Variants in MGST2 observed in about 807,000 individuals in gnomAD.
The protein encoded by MGST2 is microsomal glutathione S-transferase 2, also known as glutathione peroxidase MGST2.
Under a neutral mutation model 16.6 loss-of-function variants are expected in MGST2, and 9 were observed. The observed-to-expected ratio is 0.54, with a 90% confidence interval of 0.33 to 0.95. The LOEUF is 0.95. Ranked by LOEUF, MGST2 falls within the 40% of genes least tolerant of loss-of-function variation. The pLI is 0.03. For missense variants in MGST2, 159 were observed against 175.1 expected, an observed-to-expected ratio of 0.91 and a Z score of 0.52; for synonymous variants, 79 against 68.0, an observed-to-expected ratio of 1.16 and a Z score of -0.79.
chr4:139,679,610 T>G (rs572743215), intron 2 of MGST2, among the ~76,000 whole-genome samples: 17 of 152,210 alleles, frequency 1.1e-4, no homozygotes, highest in Non-Finnish European at 2.4e-4. Flanking sequence ...TGTTACATCT[T>G]GAATCAATTT....
intron 3 of MGST2, among the ~76,000 whole-genome samples, chr4:139,699,950 C>T (rs1238263653): frequency 2.0e-5 from 3 of 151,982 alleles, no homozygotes; most frequent in Non-Finnish European, 4.4e-5. Flanking sequence ...GAGGAGCTCT[C>T]AAGCCCAAGA....
intron 5 of MGST2, chr4:139,730,573 G>A: frequency 6.2e-7 from 1 of 1,603,838 alleles, no homozygotes. Flanking sequence ...GCCGGGGCCT[G>A]CGGGACTGGC....
At chr4:139,729,156 C>CAAAAAAA (rs4057275) in intron 5 of MGST2, among the ~76,000 whole-genome samples, 30 of 81,704 alleles carry the variant, frequency 3.7e-4, no homozygotes, top group South Asian at 5.2e-4. Context: ...GGAACAAAAG[C>CAAAAAAA]AAAAAAAAAA....
rs373534183 is a variant in MGST2 at position 139,665,835 on chromosome 4, G to C, written c.-185G>C. ...CCCAGCCCCATAAAGATCTGTGACC[G>C]GCAGCCCCAGACCTGCCTGCCTTCC... On this transcript the variant is annotated 5_prime_UTR_variant, in exon 1 of 5. Transcript: ENST00000265498. The C allele has an allele frequency of 1.2e-5, 8 of 671,018 alleles. No homozygotes were observed. Among genetic ancestry groups the C allele is most frequent in the South Asian group, 6.6e-5 (4 of 60,936 alleles). The allele number at this position is 671,018 out of a possible 1,614,324, so 41.6% of individuals were successfully genotyped here.
chr4:139,693,073 C>G (rs1726703953), intron 2 of MGST2, among the ~76,000 whole-genome samples: 1 of 152,150 alleles, frequency 6.6e-6, no homozygotes, highest in Non-Finnish European at 1.5e-5. Flanking sequence ...TATTACAAAA[C>G]AATAAATGAT....
intron 5 of MGST2, among the ~76,000 whole-genome samples, chr4:139,727,124 C>T (rs1427227986): frequency 6.6e-6 from 1 of 152,164 alleles, no homozygotes; most frequent in African/African-American, 2.4e-5. Context: ...TGTGTTTGTT[C>T]CTGGGCTGCT....
intron 1 of MGST2, 32 bp downstream of exon 1, chr4:139,666,109 C>CGCGCGCGCGT: frequency 7.0e-7 from 1 of 1,418,482 alleles, no homozygotes; most frequent in East Asian, 2.7e-5. Flanking sequence ...TGTGTGTGCG[C>CGCGCGCGCGT]GTGTGTGCGT....
intron 1 of MGST2, among the ~76,000 whole-genome samples, chr4:139,667,946 C>T (rs28734878): frequency 0.084 from 12,714 of 152,090 alleles, 775 homozygotes; most frequent in African/African-American, 0.18. Flanking sequence ...GACGAGTGGC[C>T]GGTGACACAG....
downstream of MGST2, among the ~76,000 whole-genome samples, chr4:139,745,580 C>T (rs747303019): frequency 5.3e-5 from 8 of 152,228 alleles, 1 homozygote; most frequent in South Asian, 4.2e-4. Context: ...GGTCATTTTC[C>T]GGTCTGGGAT....
chr4:139,746,204 A>G, the MGST2 span, among the ~76,000 whole-genome samples: 1 of 152,234 alleles, frequency 6.6e-6, no homozygotes, highest in South Asian at 2.1e-4. Flanking sequence ...ATGGTATGTT[A>G]TATTTTTGTA....
the MGST2 span, among the ~76,000 whole-genome samples, chr4:139,748,053 TAAAAA>T: frequency 3.1e-5 from 3 of 95,536 alleles, no homozygotes; most frequent in Admixed American, 1.1e-4. Flanking sequence ...AGACTTCGTC[TAAAAA>T]AAAAAAAAAA....
intron 1 of MGST2, among the ~76,000 whole-genome samples, chr4:139,667,485 G>A (rs2110776917): frequency 7.2e-6 from 1 of 139,288 alleles, no homozygotes; most frequent in African/African-American, 2.6e-5. Flanking sequence ...TAGGGGGCTG[G>A]ATGGAGTGGG....
chr4:139,678,412 TATC>T lies in MGST2; in HGVS notation c.59-127_59-125del, dbSNP rs1438365589. The T allele has an allele frequency of 9.4e-6, 7 of 741,710 alleles. No individual in the cohort carries two copies. The African/African-American group carries it at 1.0e-4, about 11-fold the overall frequency. The allele number at this position is 741,710 out of a possible 1,614,324, so 45.9% of individuals were successfully genotyped here. On this transcript the variant is annotated intron_variant, in intron 1 of 4. Coordinates refer to ENST00000265498, the MANE Select transcript of MGST2 (RefSeq NM_002413.5). ...ATCCTCTCCTGTCTTTTTTAATTGC[TATC>T]ATCTGTCTTTTTGATTTTAGACATT...
chr4:139,722,982 G>A (rs928981768), intron 5 of MGST2, among the ~76,000 whole-genome samples: 9 of 152,166 alleles, frequency 5.9e-5, no homozygotes, highest in Non-Finnish European at 7.4e-5. Flanking sequence ...CTACTGAACC[G>A]TGTTCCACGT....
chr4:139,717,945 C>A (rs1487465299), intron 5 of MGST2: 2 of 152,212 alleles, frequency 1.3e-5, no homozygotes, highest in Non-Finnish European at 2.9e-5. Context: ...AAGAGGACTA[C>A]TTTGCCCATA....
chr4:139,698,702 G>T, intron 3 of MGST2: 3 of 635,578 alleles, frequency 4.7e-6, no homozygotes, highest in Non-Finnish European at 8.4e-6. Flanking sequence ...GAGATAAAAA[G>T]ACATTTTGGA....
chr4:139,746,799 T>C, the MGST2 span, among the ~76,000 whole-genome samples: 2 of 152,242 alleles, frequency 1.3e-5, no homozygotes, highest in Non-Finnish European at 2.9e-5. Context: ...AAACTATGAT[T>C]ATGTTTTCTT....
Position 139,732,549 on chromosome 4 carries a change from A to G in MGST2, c.*49-7663A>G, listed in dbSNP as rs555019247. Reference sequence around the variant, plus strand: ...AGGTCACACAATCAATGAATGGAAGACACAGAACTAGCAGAACTAGAACGC... The same window carrying G: ...AGGTCACACAATCAATGAATGGAAGGCACAGAACTAGCAGAACTAGAACGC... On this transcript the variant is annotated intron_variant, in intron 5 of 5. Coordinates refer to the MGST2 transcript ENST00000616265. 2.6e-5 allele frequency among the ~76,000 whole-genome samples: 4 copies of G among 151,594 alleles called. No individual in the cohort carries two copies. The East Asian group carries it at 7.8e-4, about 29-fold the overall frequency.
the MGST2 span, among the ~76,000 whole-genome samples, chr4:139,752,068 G>T: frequency 6.6e-6 from 1 of 152,114 alleles, no homozygotes; most frequent in Admixed American, 6.5e-5. Flanking sequence ...TGTGACTTTG[G>T]GATTCGAATT....
Sources: allele counts gnomAD v4.1 joint callset (sites outside exome capture counted in the v4.1 genomes callset), GRCh38; gene constraint gnomAD v4.1.1; transcripts MANE v1.5; gene names NCBI Gene and HGNC (gene_info 2026-07-23, HGNC 2026-07-21).